The following KLRG1 variants were observed in gnomAD, a reference collection of about 807,000 sequenced individuals.
The protein encoded by KLRG1 is killer cell lectin like receptor G1.
KLRG1 carries 16 observed loss-of-function variants against 21.8 expected under a neutral mutation model. That is an observed-to-expected ratio of 0.73 (90% CI 0.50 to 1.11). The LOEUF (loss-of-function observed/expected upper bound fraction) is 1.11. Among genes scored for constraint, KLRG1 ranks in the 50% most tolerant of loss-of-function variants. The pLI is 0.00. For missense variants in KLRG1, 173 were observed against 218.3 expected (o/e 0.79, Z 1.31); for synonymous variants, 69 against 75.9 (o/e 0.91, Z 0.47).
the KLRG1 span, among the ~76,000 whole-genome samples, chr12:9,084,268 G>A: frequency 6.6e-6 from 1 of 152,102 alleles, no homozygotes; most frequent in Non-Finnish European, 1.5e-5. Context: ...AATGGTATAA[G>A]TAATATAGAG....
chr12:9,192,448 G>A, the KLRG1 span: 1 of 1,457,080 alleles, frequency 6.9e-7, no homozygotes, highest in Non-Finnish European at 9.6e-7. Context: ...TGACATTCCT[G>A]AGCCTATTGA....
At chr12:9,089,761 C>T in the KLRG1 span, 19 of 655,266 alleles carry the variant, frequency 2.9e-5, no homozygotes, top group African/African-American at 3.2e-4. Flanking sequence ...ACAAAAACCC[C>T]CAACAAAACA....
At chr12:9,158,429 A>T in the KLRG1 span, 10 of 1,613,946 alleles carry the variant, frequency 6.2e-6, no homozygotes, top group Non-Finnish European at 8.5e-6. Context: ...CCTTTATGGC[A>T]TTGTTGAGCA....
chr12:9,152,742 A>G, the KLRG1 span: 1 of 1,412,304 alleles, frequency 7.1e-7, no homozygotes, highest in Non-Finnish European at 9.7e-7. Context: ...CTAATAACAT[A>G]GCTTCCAAAT....
chr12:8,984,692 G>A (rs7132930), upstream of KLRG1, among the ~76,000 whole-genome samples: 125,010 of 152,178 alleles, frequency 0.82, 51,712 homozygotes, highest in Admixed American at 0.85. Context: ...GTCTTTGAAC[G>A]TATTTATGCA....
the KLRG1 span, among the ~76,000 whole-genome samples, chr12:9,188,000 A>C: frequency 0.56 from 85,249 of 152,184 alleles, 23,923 homozygotes; most frequent in Admixed American, 0.63. Context: ...TGCCCCCATG[A>C]GGAGAAGTGG....
At chr12:9,158,922 T>A in the KLRG1 span, among the ~76,000 whole-genome samples, 1 of 152,166 alleles carries the variant, frequency 6.6e-6, no homozygotes, top group Non-Finnish European at 1.5e-5. Flanking sequence ...TGAATTTATT[T>A]CCTTTCCTAG....
At chr12:9,187,369 A>T in the KLRG1 span, among the ~76,000 whole-genome samples, 4 of 152,150 alleles carry the variant, frequency 2.6e-5, no homozygotes, top group Non-Finnish European at 5.9e-5. Flanking sequence ...CTACAAAACA[A>T]CAACACATAC....
the KLRG1 span, among the ~76,000 whole-genome samples, chr12:9,179,041 G>T: frequency 6.6e-6 from 1 of 152,206 alleles, no homozygotes; most frequent in South Asian, 2.1e-4. Flanking sequence ...CCTTTTAAAT[G>T]GTGATTCATG....
At chr12:9,167,077 C>T in the KLRG1 span, 2 of 152,286 alleles carry the variant, frequency 1.3e-5, no homozygotes, top group East Asian at 3.9e-4. Context: ...TACACCTTGC[C>T]CCATGTCCTT....
chr12:9,123,812 T>C, the KLRG1 span, among the ~76,000 whole-genome samples: 10 of 152,010 alleles, frequency 6.6e-5, no homozygotes, highest in East Asian at 1.7e-3. Flanking sequence ...CCTTAAACTT[T>C]ATAGTAATTT....
At chr12:9,020,511 A>C in the KLRG1 span, among the ~76,000 whole-genome samples, 1 of 152,182 alleles carries the variant, frequency 6.6e-6, no homozygotes, top group South Asian at 2.1e-4. Flanking sequence ...GTTTTATAGA[A>C]TCATATAGTA....
the KLRG1 span, among the ~76,000 whole-genome samples, chr12:9,190,410 A>G: frequency 6.6e-6 from 1 of 152,210 alleles, no homozygotes; most frequent in Non-Finnish European, 1.5e-5. Flanking sequence ...AAAACCAAAT[A>G]TTCCATGTGC....
intron 1 of KLRG1, among the ~76,000 whole-genome samples, chr12:8,956,036 G>A (rs892331128): frequency 6.6e-6 from 1 of 152,114 alleles, no homozygotes; most frequent in African/African-American, 2.4e-5. Context: ...TACCACCTTT[G>A]GGTCCCCTCT....
chr12:9,186,275 G>A, the KLRG1 span, among the ~76,000 whole-genome samples: 1 of 152,126 alleles, frequency 6.6e-6, no homozygotes, highest in Non-Finnish European at 1.5e-5. Context: ...AATATAAAAA[G>A]GAAAGAATAT....
At chr12:9,093,528 GGCTCTTCA>G in the KLRG1 span, 1 of 1,613,380 alleles carries the variant, frequency 6.2e-7, no homozygotes, top group Non-Finnish European at 8.5e-7. Context: ...CTCCGTGTGA[GGCTCTTCA>G]ACATGCACCA....
At chr12:9,110,737 AAATT>A in the KLRG1 span, among the ~76,000 whole-genome samples, 14 of 152,268 alleles carry the variant, frequency 9.2e-5, no homozygotes, top group African/African-American at 2.9e-4. Context: ...TAAAAAATCT[AAATT>A]AGTTTCATAT....
At chr12:9,098,855 A>G in the KLRG1 span, 2 of 1,327,344 alleles carry the variant, frequency 1.5e-6, no homozygotes. Flanking sequence ...ATGTATAACC[A>G]CTCTGCTTGA....
chr12:9,151,688 A>G, the KLRG1 span: 3 of 1,608,962 alleles, frequency 1.9e-6, no homozygotes, highest in Admixed American at 1.7e-5. Flanking sequence ...GAGAATTAGA[A>G]AACTTCAGTT....
Sources: gnomAD v4.1 joint callset for allele counts (sites outside exome capture counted in the v4.1 genomes callset) on GRCh38, gnomAD v4.1.1 for gene constraint, MANE v1.5 for transcripts, NCBI Gene and HGNC (gene_info 2026-07-23, HGNC 2026-07-21) for gene names.